TECPR1: variants seen among roughly 807,000 people sequenced by gnomAD.
The protein encoded by TECPR1 is tectonin beta-propeller repeat containing 1.
A neutral mutation model predicts 162.4 loss-of-function variants in TECPR1; 122 were observed. The ratio of observed to expected loss-of-function variants is 0.75; its 90% CI spans 0.65 to 0.87. The LOEUF is 0.87. TECPR1 is among the 40% of genes least tolerant of loss of function. TECPR1 has a pLI of 0.00. For synonymous variants in TECPR1, 642 were observed against 670.6 expected, an observed-to-expected ratio of 0.96 and a Z score of 0.66; for missense variants, 1,432 against 1,618.2, an observed-to-expected ratio of 0.88 and a Z score of 1.97.
At chr7:98,247,256 C>T (rs1253182427) in intron 2 of TECPR1, among the ~76,000 whole-genome samples, 1 of 152,028 alleles carries the variant, frequency 6.6e-6, no homozygotes, top group Non-Finnish European at 1.5e-5. Context: ...GATCCTCCTA[C>T]CTCAGCCTCC....
rs771823552 is a variant in TECPR1 at position 98,222,991 on chromosome 7, G to A, written c.2927C>T (p.Ala976Val). Reference sequence around the variant, plus strand: ...AATCTGTCTGGCCCCGGCACTCACCGCAGGGTTGAGCTCCGACACGCCCAG... The same window carrying A: ...AATCTGTCTGGCCCCGGCACTCACCACAGGGTTGAGCTCCGACACGCCCAG... Reference protein sequence around the residue: ...CRLGVSELNPAGSSWLHVGTD... With the variant: ...CRLGVSELNPVGSSWLHVGTD... The change falls in exon 21 of 26, where the codon GCG becomes GTG. Residue 976 changes from alanine (A) to valine (V), a missense_variant and splice_region_variant. Transcript: ENST00000447648. 111 of 1,611,284 alleles carry A rather than the reference G, an allele frequency of 6.9e-5. No individual in the cohort carries two copies. Among genetic ancestry groups the A allele is most frequent in the Non-Finnish European group, 9.1e-5 (107 of 1,179,382 alleles).
At chr7:98,235,047 A>T (rs187938572) in intron 10 of TECPR1, among the ~76,000 whole-genome samples, 1 of 152,168 alleles carries the variant, frequency 6.6e-6, no homozygotes, top group East Asian at 1.9e-4. Flanking sequence ...CACTCTCTTG[A>T]TAATGTCCTT....
intron 17 of TECPR1, 45 bp downstream of exon 17, chr7:98,227,969 G>C (rs1022415153): frequency 2.0e-5 from 31 of 1,529,140 alleles, no homozygotes; most frequent in Non-Finnish European, 2.8e-5. Flanking sequence ...CCAGGACTAA[G>C]GCCTATGCCA....
chr7:98,233,153 A>G, intron 11 of TECPR1, 181 bp from the exon 12 acceptor site: 1 of 836,334 alleles, frequency 1.2e-6, no homozygotes, highest in Non-Finnish European at 1.8e-6. Flanking sequence ...TTCAGCCTGG[A>G]AAGCAGCCAC....
intron 2 of TECPR1, among the ~76,000 whole-genome samples, chr7:98,246,871 C>T (rs1798925789): frequency 6.6e-6 from 1 of 152,068 alleles, no homozygotes; most frequent in African/African-American, 2.4e-5. Context: ...GCATGAGCCA[C>T]CACGCCCGGT....
At chr7:98,244,423 C>T in intron 5 of TECPR1, 148 bp downstream of exon 5, 1 of 1,024,776 alleles carries the variant, frequency 9.8e-7, no homozygotes, top group Non-Finnish European at 1.4e-6. Context: ...TCGTGGTGTT[C>T]CCGGGACAGG....
Position 98,221,740 on chromosome 7 carries a change from G to A in TECPR1, c.3078C>T (p.Tyr1026=). ...TCTGTCTCGGTGGGGACGGGATGTG[G>A]TACCAGCAGTCACCTGCGAAGGGGA... ...YPSQPAGDCW[Y]HIPSPPRQRL... Residue 1026 remains tyrosine, a synonymous_variant, in exon 23 of 26, where the codon TAC becomes TAT. Coordinates refer to ENST00000447648, the MANE Select transcript of TECPR1 (RefSeq NM_015395.3). The A allele has an allele frequency of 6.2e-7, 1 of 1,610,516 alleles. No homozygotes were observed. Among genetic ancestry groups the A allele is most frequent in the Non-Finnish European group, 8.5e-7 (1 of 1,178,772 alleles).
intron 10 of TECPR1, among the ~76,000 whole-genome samples, chr7:98,234,645 T>C (rs1405313985): frequency 6.6e-6 from 1 of 151,972 alleles, no homozygotes. Context: ...CATTTCACAT[T>C]CCTACCAGCA....
chr7:98,225,047 T>G lies in TECPR1; in HGVS notation c.2569A>C (p.Thr857Pro), dbSNP rs1798245013. ...WSDASGLQEC[T>P]KAGTKPPSLQ... ...GACGGGGGCTTCGTGCCAGCCTTCGTGCACTCCTGCAGCCCCGAGGCATCG... is the reference window on the plus strand; with the variant it reads ...GACGGGGGCTTCGTGCCAGCCTTCGGGCACTCCTGCAGCCCCGAGGCATCG... The change falls in exon 18 of 26, where the codon ACG becomes CCG. Residue 857 changes from threonine to proline, a missense_variant. Transcript: ENST00000447648. The G allele has an allele frequency of 6.4e-7, 1 of 1,562,062 alleles. No homozygotes were observed. The highest frequency in any genetic ancestry group is 8.7e-7 in the Non-Finnish European group (1 of 1,155,622).
At chr7:98,228,257 T>C in intron 16 of TECPR1, 141 bp from the exon 17 acceptor site, 1 of 688,858 alleles carries the variant, frequency 1.5e-6, no homozygotes, top group East Asian at 2.7e-5. Context: ...AACAGTCCTG[T>C]TGAGCTTATC....
At chr7:98,244,719 A>G in intron 4 of TECPR1, 26 bp from the exon 5 acceptor site, 1 of 1,598,422 alleles carries the variant, frequency 6.3e-7, no homozygotes, top group Non-Finnish European at 8.5e-7. Context: ...AGGGGCTCTC[A>G]GGCTCTGCGG....
At chr7:98,227,982 C>T (rs777992815) in intron 17 of TECPR1, 32 bp downstream of exon 17, 10 of 1,568,754 alleles carry the variant, frequency 6.4e-6, no homozygotes, top group Non-Finnish European at 7.8e-6. Context: ...CTATGCCAGG[C>T]AGCATCCTGG....
Position 98,241,039 on chromosome 7 carries a change from G to T in TECPR1, c.832+31C>A. ...ACCCTCACCCTTCTCCCCAGTACAGGGTATGTGGGTGGGGGAGCCGGGCTG... is the reference window on the plus strand; with the variant it reads ...ACCCTCACCCTTCTCCCCAGTACAGTGTATGTGGGTGGGGGAGCCGGGCTG... On this transcript the variant is annotated intron_variant, in intron 7 of 25. Transcript: ENST00000447648. The surrounding 1 kb of genome is among the most constrained non-coding windows in gnomAD (Gnocchi z 5.0). The T allele has an allele frequency of 1.3e-6, 2 of 1,592,768 alleles. No individual in the cohort carries two copies. The highest frequency in any genetic ancestry group is 1.7e-6 in the Non-Finnish European group (2 of 1,169,246).
At chr7:98,228,445 A>C in intron 16 of TECPR1, 1 of 321,178 alleles carries the variant, frequency 3.1e-6, no homozygotes, top group East Asian at 6.5e-5. Flanking sequence ...CACCCAGCTC[A>C]CTCTGTGTTA....
Position 98,233,891 on chromosome 7 carries a change from T to A in TECPR1, c.1202A>T (p.Asp401Val). 1 of 1,541,462 alleles carries A rather than the reference T, an allele frequency of 6.5e-7. No individual in the cohort carries two copies. The highest frequency in any genetic ancestry group is 8.8e-7 in the Non-Finnish European group (1 of 1,140,360). Residue 401 changes from aspartate to valine, a missense_variant, in exon 11 of 26, where the codon GAT (aspartate) becomes GTT (valine). Physicochemically the swap from Asp to Val is radical, Grantham distance 152. Coordinates refer to ENST00000447648, the MANE Select transcript of TECPR1 (RefSeq NM_015395.3). ...SLLSAGCFFG[D>V]EVRGSGESAP... Reference sequence around the variant, plus strand: ...AGACTCGCCACTACCCCTCACCTCATCACCGAAGAAGCAGCCGGCACTGGG... The same window carrying A: ...AGACTCGCCACTACCCCTCACCTCAACACCGAAGAAGCAGCCGGCACTGGG...
At chr7:98,236,585 C>T (rs897845220) in intron 10 of TECPR1, among the ~76,000 whole-genome samples, 191 bp downstream of exon 10, 2 of 151,708 alleles carry the variant, frequency 1.3e-5, no homozygotes, top group Admixed American at 6.6e-5. Context: ...CCCCCAGGAC[C>T]TCCTCTCTGT....
chr7:98,250,631 C>T (rs1174432205), intron 2 of TECPR1, among the ~76,000 whole-genome samples: 3 of 152,058 alleles, frequency 2.0e-5, no homozygotes, highest in Non-Finnish European at 4.4e-5. Flanking sequence ...GAGCGAGACC[C>T]TGTCTCAAAA....
chr7:98,244,655 C>T lies in TECPR1; in HGVS notation c.447G>A (p.Thr149=), dbSNP rs778947245. ...CACAAGAATTCCACTTCTTGTCTTT[C>T]GTGTAGGTGGCGGGAAAGTCGATGG... is the stretch of plus-strand genomic sequence containing the variant. ...TYAIDFPATY[T]KDKKWNSCVR... Residue 149 remains threonine, a synonymous_variant, in exon 5 of 26, where the codon ACG becomes ACA. Coordinates refer to ENST00000447648, the MANE Select transcript of TECPR1 (RefSeq NM_015395.3). 51 of 1,612,714 alleles carry T rather than the reference C, an allele frequency of 3.2e-5. No homozygotes were observed. The highest frequency in any genetic ancestry group is 1.6e-4 in the Middle Eastern group (1 of 6,084).
intron 9 of TECPR1, among the ~76,000 whole-genome samples, chr7:98,237,191 G>A (rs1306433073): frequency 6.6e-6 from 1 of 152,000 alleles, no homozygotes; most frequent in Non-Finnish European, 1.5e-5. Context: ...GCTGGGGGAC[G>A]CTGTGTTAGG....
Sources: gnomAD v4.1 joint callset for allele counts (sites outside exome capture counted in the v4.1 genomes callset) on GRCh38, gnomAD v4.1.1 for gene constraint, Gnocchi (gnomAD v3.1) non-coding constraint, MANE v1.5 for transcripts, NCBI Gene and HGNC (gene_info 2026-07-23, HGNC 2026-07-21) for gene names.